Variants in CCDC171 observed in about 807,000 individuals in gnomAD.
CCDC171 encodes the protein coiled-coil domain containing 171, also known as coiled-coil domain-containing protein 171.
A neutral mutation model predicts 168.2 loss-of-function variants in CCDC171; 177 were observed. The observed-to-expected ratio is 1.05, with a 90% CI of 0.93 to 1.19. The LOEUF is 1.19. Among genes scored for constraint, CCDC171 ranks in the 50% most tolerant of loss-of-function variants. CCDC171 has a pLI of 0.00. For synonymous variants in CCDC171, 687 were observed against 540.8 expected, an observed-to-expected ratio of 1.27 and a Z score of -3.75; for missense variants, 1,991 against 1,539.0, an observed-to-expected ratio of 1.29 and a Z score of -4.91.
chr9:15,749,079 A>T (rs1440474156), intron 18 of CCDC171, among the ~76,000 whole-genome samples: 1 of 151,968 alleles, frequency 6.6e-6, no homozygotes, highest in Non-Finnish European at 1.5e-5. Context: ...CCCATCTCAC[A>T]CGCAGAGATG....
intron 16 of CCDC171, among the ~76,000 whole-genome samples, chr9:15,733,593 A>G (rs184864109): frequency 2.0e-5 from 3 of 151,796 alleles, no homozygotes; most frequent in Admixed American, 6.6e-5. Context: ...GTTTGTGTCA[A>G]TCTATCTCTA....
chr9:16,057,189 G>A (rs996523629), intron 1 of CCDC171, among the ~76,000 whole-genome samples: 2 of 152,100 alleles, frequency 1.3e-5, no homozygotes, highest in African/African-American at 4.8e-5. Context: ...GTTTTTTGAG[G>A]TGGGAGCAAA....
At chr9:15,611,279 T>A (rs2043666807) in intron 6 of CCDC171, among the ~76,000 whole-genome samples, 3 of 152,208 alleles carry the variant, frequency 2.0e-5, no homozygotes, top group African/African-American at 4.8e-5. Context: ...ACCTCTTTTC[T>A]TTATAAATTA....
At chr9:15,559,227 A>G (rs201363019) in intron 1 of CCDC171, among the ~76,000 whole-genome samples, 1 of 151,750 alleles carries the variant, frequency 6.6e-6, no homozygotes, top group Admixed American at 6.6e-5. Context: ...GGGGTGGAGA[A>G]TTCTGTAGAT....
chr9:15,781,865 A>T (rs938079630), intron 20 of CCDC171, among the ~76,000 whole-genome samples: 8 of 152,178 alleles, frequency 5.3e-5, no homozygotes, highest in African/African-American at 1.9e-4. Context: ...TATCTCACAT[A>T]CTATTATTAT....
intron 6 of CCDC171, among the ~76,000 whole-genome samples, chr9:15,595,763 A>G (rs1321236197): frequency 6.6e-6 from 1 of 152,096 alleles, no homozygotes; most frequent in African/African-American, 2.4e-5. Context: ...CAGTCCCACC[A>G]ACAGTTAAAA....
At chr9:15,638,037 A>T (rs1235160499) in intron 7 of CCDC171, among the ~76,000 whole-genome samples, 1 of 152,210 alleles carries the variant, frequency 6.6e-6, no homozygotes, top group Non-Finnish European at 1.5e-5. Context: ...TCCCTGAGGA[A>T]TCACCACACT....
intron 6 of CCDC171, among the ~76,000 whole-genome samples, chr9:15,607,068 ACATTG>A (rs2043281002): frequency 6.6e-6 from 1 of 152,232 alleles, no homozygotes; most frequent in African/African-American, 2.4e-5. Flanking sequence ...CTTGAGTGTT[ACATTG>A]CATCTCAGGA....
rs183289218 is a variant in CCDC171 at position 16,052,222 on chromosome 9, G to T, written n.90-8424G>T. The stretch of plus-strand genomic sequence containing the variant: ...CTTTGTCTCAGTCCAAGTACTGGAA[G>T]GAGGGAGAGAGGGAGGCTCTGAGGA... On this transcript the variant is annotated intron_variant and non_coding_transcript_variant, in intron 1 of 1. Transcript: ENST00000478913. Among the ~76,000 whole-genome samples, 298 of 152,324 alleles carry T rather than the reference G, an allele frequency of 2.0e-3. 2 individuals carry two copies. The highest frequency in any genetic ancestry group is 6.5e-3 in the African/African-American group (272 of 41,568).
At chr9:15,952,803 C>G (rs957750312) in intron 25 of CCDC171, among the ~76,000 whole-genome samples, 2 of 152,180 alleles carry the variant, frequency 1.3e-5, no homozygotes, top group African/African-American at 4.8e-5. Context: ...ATTAAGTCTT[C>G]TAATCCATTA....
At chr9:15,595,738 G>A (rs1336108423) in intron 6 of CCDC171, among the ~76,000 whole-genome samples, 2 of 151,874 alleles carry the variant, frequency 1.3e-5, no homozygotes, top group Non-Finnish European at 2.9e-5. Flanking sequence ...CTTCCACAAT[G>A]ATTGAGCTAG....
chr9:15,943,573 T>C (rs562749195), intron 25 of CCDC171, among the ~76,000 whole-genome samples: 37 of 151,990 alleles, frequency 2.4e-4, no homozygotes, highest in Non-Finnish European at 5.3e-4. Flanking sequence ...TTGTGTATTA[T>C]TTAACCTTAT....
At chr9:15,769,668 C>A (rs565285886) in intron 18 of CCDC171, among the ~76,000 whole-genome samples, 8 of 152,178 alleles carry the variant, frequency 5.3e-5, no homozygotes, top group Non-Finnish European at 1.2e-4. Flanking sequence ...ACTTACATGG[C>A]AAGTCATCAT....
chr9:15,753,680 T>G (rs1564348826), intron 18 of CCDC171, among the ~76,000 whole-genome samples: 1 of 152,148 alleles, frequency 6.6e-6, no homozygotes, highest in African/African-American at 2.4e-5. Flanking sequence ...GCCTTTGATA[T>G]TAGATCTGGC....
intron 16 of CCDC171, among the ~76,000 whole-genome samples, chr9:15,731,806 C>T (rs1163542574): frequency 2.0e-5 from 3 of 152,074 alleles, no homozygotes; most frequent in Non-Finnish European, 2.9e-5. Flanking sequence ...TTTTTATTCC[C>T]ACCAGCAACA....
At chr9:15,573,742 G>C (rs1217818093) in intron 3 of CCDC171, among the ~76,000 whole-genome samples, 1 of 151,932 alleles carries the variant, frequency 6.6e-6, no homozygotes, top group Non-Finnish European at 1.5e-5. Context: ...GTATTAGTGT[G>C]ATGATAATCA....
intron 2 of CCDC171, among the ~76,000 whole-genome samples, chr9:15,565,407 C>T (rs1157479946): frequency 2.6e-5 from 4 of 152,108 alleles, no homozygotes; most frequent in Non-Finnish European, 5.9e-5. Flanking sequence ...TGTCTGAGAA[C>T]TCCTGGCCTC....
chr9:15,953,411 T>C (rs1303775455), intron 25 of CCDC171, among the ~76,000 whole-genome samples: 2 of 152,192 alleles, frequency 1.3e-5, no homozygotes, highest in African/African-American at 4.8e-5. Context: ...TTTAATCAAA[T>C]GCTTGTATGC....
At chr9:16,037,565 T>C (rs575748352) in intron 8 of CCDC171, among the ~76,000 whole-genome samples, 43 of 152,252 alleles carry the variant, frequency 2.8e-4, no homozygotes, top group Non-Finnish European at 2.9e-5. Context: ...AGACTATAAG[T>C]AGGTTTAAAA....
Sources: allele counts gnomAD v4.1 joint callset (sites outside exome capture counted in the v4.1 genomes callset), GRCh38; gene constraint gnomAD v4.1.1; transcripts MANE v1.5; gene names NCBI Gene and HGNC (gene_info 2026-07-23, HGNC 2026-07-21).